The following TTLL11 variants were observed in gnomAD, a reference collection of about 807,000 sequenced individuals.
The protein encoded by TTLL11 is tubulin tyrosine ligase like 11.
In TTLL11, 42 loss-of-function variants were observed where a neutral mutation model predicts 51.7. The ratio of observed to expected loss-of-function variants is 0.81; its 90% CI spans 0.64 to 1.05. TTLL11 has a LOEUF of 1.05. Ranked by LOEUF, TTLL11 falls within the 50% of genes least tolerant of loss-of-function variation. TTLL11 has a pLI of 0.00. For missense variants in TTLL11, 799 were observed against 940.4 expected, an observed-to-expected ratio of 0.85 and a Z score of 1.97; for synonymous variants, 381 against 383.5, an observed-to-expected ratio of 0.99 and a Z score of 0.08.
At position 122,006,995 on chromosome 9, in the gene TTLL11, A is replaced by C. The variant is rs913621075; in HGVS notation, c.694-17225T>G. Among the ~76,000 whole-genome samples the C allele has an allele frequency of 1.9e-4, 29 of 150,564 alleles. No individual in the cohort carries two copies. The East Asian group carries it at 4.5e-3, about 23-fold the overall frequency. On this transcript the variant is annotated intron_variant, in intron 3 of 8. Coordinates refer to ENST00000321582, the MANE Select transcript of TTLL11 (RefSeq NM_001139442.2). ...AGATACTCTGTCAAAAAAAAAAAAA[A>C]AAAAAAAAAAAAAACTTTTCCTTAT...
chr9:121,983,101 T>A (rs1031144749), intron 4 of TTLL11, among the ~76,000 whole-genome samples: 3 of 152,214 alleles, frequency 2.0e-5, no homozygotes, highest in Non-Finnish European at 4.4e-5. Flanking sequence ...GTGGAGTTGG[T>A]TAGAAGCGGT....
At chr9:122,015,807 C>CAAAAAAAAAAAAAAAAAA (rs11297849) in intron 3 of TTLL11, among the ~76,000 whole-genome samples, 4 of 94,492 alleles carry the variant, frequency 4.2e-5, no homozygotes, top group African/African-American at 1.1e-4. Flanking sequence ...TCAAAAGAGA[C>CAAAAAAAAAAAAAAAAAA]AAAAAAAAAA....
chr9:121,929,790 C>T (rs1840899735), intron 6 of TTLL11, among the ~76,000 whole-genome samples: 1 of 152,198 alleles, frequency 6.6e-6, no homozygotes, highest in Non-Finnish European at 1.5e-5. Context: ...CCCTCTCCAG[C>T]TGTGTGACCC....
chr9:121,971,367 G>A (rs1179306097), intron 6 of TTLL11, among the ~76,000 whole-genome samples: 3 of 98,202 alleles, frequency 3.1e-5, no homozygotes, highest in Non-Finnish European at 4.7e-5. Flanking sequence ...CCCTCTGCCC[G>A]GCCAGCCGCC....
rs112559674 is a variant in TTLL11 at position 121,898,980 on chromosome 9, C to A, written c.1482-28232G>T. ...CCTGGCTCCTGATAACTCGGGAAAT[C>A]TTGGCATTGCAGAGGGGCCCTCTCC... On this transcript the variant is annotated intron_variant, in intron 6 of 8. Transcript: ENST00000321582. 3.0e-3 allele frequency among the ~76,000 whole-genome samples: 461 copies of A among 152,284 alleles called. 3 individuals are homozygous for A. The highest frequency in any genetic ancestry group is 0.011 in the African/African-American group (443 of 41,564).
chr9:121,936,461 A>C (rs1162472368), intron 6 of TTLL11, among the ~76,000 whole-genome samples: 1 of 152,114 alleles, frequency 6.6e-6, no homozygotes, highest in Non-Finnish European at 1.5e-5. Flanking sequence ...GCTGGATTGC[A>C]GAAAGAGAAG....
intron 6 of TTLL11, among the ~76,000 whole-genome samples, chr9:121,928,444 T>A (rs962942446): frequency 2.3e-5 from 3 of 128,286 alleles, no homozygotes; most frequent in Non-Finnish European, 5.0e-5. Context: ...GTTTTGGATT[T>A]TTTTTTTTTT....
In TTLL11 at chr9:122,093,270, T is replaced by C. The variant is rs750652087; in HGVS notation, c.-122A>G. On this transcript the variant is annotated 5_prime_UTR_variant, in exon 1 of 9. Transcript: ENST00000321582. ...GCCACGCGTTCCCCGCCCGAGCCCGTTGCCATGATCGCTCAGGCTCGGGTT... is the reference window on the plus strand; with the variant it reads ...GCCACGCGTTCCCCGCCCGAGCCCGCTGCCATGATCGCTCAGGCTCGGGTT... The C allele has an allele frequency of 3.9e-6, 6 of 1,549,812 alleles. No homozygotes were observed. In the East Asian group the frequency reaches 9.9e-5, roughly 25 times the overall value.
chr9:121,965,095 T>C (rs559971964), intron 6 of TTLL11, among the ~76,000 whole-genome samples: 3 of 152,328 alleles, frequency 2.0e-5, no homozygotes, highest in African/African-American at 4.8e-5. Flanking sequence ...TTCAAATAAG[T>C]ATGCAAATAT....
chr9:122,007,960 A>C (rs1254299512), intron 3 of TTLL11, among the ~76,000 whole-genome samples: 1 of 152,248 alleles, frequency 6.6e-6, no homozygotes, highest in Non-Finnish European at 1.5e-5. Flanking sequence ...GTAATAAGAC[A>C]GAAGGACATC....
At chr9:122,039,989 A>C (rs1185047026) in intron 1 of TTLL11, among the ~76,000 whole-genome samples, 1 of 152,176 alleles carries the variant, frequency 6.6e-6, no homozygotes, top group East Asian at 1.9e-4. Context: ...TTCCTGAATT[A>C]ATAAATGAAC....
intron 8 of TTLL11, among the ~76,000 whole-genome samples, chr9:121,826,847 A>T (rs4837897): frequency 3.3e-5 from 5 of 151,482 alleles, no homozygotes; most frequent in African/African-American, 1.2e-4. Flanking sequence ...GGATGGGCAG[A>T]GATGTGCTGG....
chr9:122,066,730 G>A (rs1845593374), intron 1 of TTLL11, among the ~76,000 whole-genome samples: 1 of 152,144 alleles, frequency 6.6e-6, no homozygotes, highest in African/African-American at 2.4e-5. Flanking sequence ...TAAGTCCAGA[G>A]TAGTATGGTC....
rs578015543 is a variant in TTLL11 at position 121,976,994 on chromosome 9, G to A, written c.1270-2015C>T. On this transcript the variant is annotated intron_variant, in intron 4 of 8. Transcript: ENST00000321582. ...GAGAGCAGCAGGCTGTGGTGATGAC[G>A]TTTATCATCCTTAGTCATCAACTCT... is the stretch of plus-strand genomic sequence containing the variant. Among the ~76,000 whole-genome samples the A allele has an allele frequency of 1.8e-4, 27 of 152,290 alleles. 1 individual carries two copies. The South Asian group carries it at 4.8e-3, about 27-fold the overall frequency.
intron 1 of TTLL11, among the ~76,000 whole-genome samples, chr9:122,088,091 T>C (rs1178868034): frequency 6.6e-6 from 1 of 152,194 alleles, no homozygotes; most frequent in Non-Finnish European, 1.5e-5. Context: ...AGGCCGGGTC[T>C]ATATATGGCA....
chr9:121,905,335 A>C (rs1839905879), intron 6 of TTLL11, among the ~76,000 whole-genome samples: 1 of 151,808 alleles, frequency 6.6e-6, no homozygotes, highest in African/African-American at 2.4e-5. Context: ...ACAATTTTAA[A>C]ACCTGATTTT....
intron 4 of TTLL11, among the ~76,000 whole-genome samples, chr9:121,984,035 C>G (rs901451209): frequency 6.6e-6 from 1 of 152,088 alleles, no homozygotes; most frequent in Non-Finnish European, 1.5e-5. Flanking sequence ...AGAGAGCATG[C>G]CAGGTCAGCC....
intron 8 of TTLL11, among the ~76,000 whole-genome samples, chr9:121,842,149 A>G (rs1837372198): frequency 6.6e-6 from 1 of 152,170 alleles, no homozygotes; most frequent in South Asian, 2.1e-4. Flanking sequence ...TAGAAAGTCA[A>G]TGGACAGTCG....
chr9:122,041,777 T>C (rs1844851192), intron 1 of TTLL11, among the ~76,000 whole-genome samples: 1 of 152,064 alleles, frequency 6.6e-6, no homozygotes, highest in Non-Finnish European at 1.5e-5. Flanking sequence ...AAGATATTAA[T>C]ACAAATAAAC....
Sources: allele counts gnomAD v4.1 joint callset (sites outside exome capture counted in the v4.1 genomes callset), GRCh38; gene constraint gnomAD v4.1.1; transcripts MANE v1.5; gene names NCBI Gene and HGNC (gene_info 2026-07-23, HGNC 2026-07-21).